SECISBP2: variants seen among roughly 807,000 people sequenced by gnomAD.
SECISBP2 encodes selenocysteine insertion sequence-binding protein 2.
SECISBP2 carries 96 observed loss-of-function variants against 98.2 expected under a neutral mutation model. The observed-to-expected ratio is 0.98, with a 90% CI of 0.83 to 1.16. SECISBP2 has a LOEUF of 1.16. SECISBP2 is among the 50% of genes most tolerant of loss of function. SECISBP2 has a pLI of 0.00. For missense variants in SECISBP2, 1,046 were observed against 1,022.9 expected (o/e 1.02, Z -0.31); for synonymous variants, 407 against 370.2 (o/e 1.10, Z -1.14).
intron 10 of SECISBP2, among the ~76,000 whole-genome samples, chr9:89,342,320 C>T (rs187747090): frequency 1.2e-4 from 19 of 152,294 alleles, no homozygotes; most frequent in Admixed American, 3.3e-4. Context: ...ATTGGAACCC[C>T]GTACGCTGCC....
At chr9:89,350,136 TTAA>T (rs1383406096) in intron 13 of SECISBP2, among the ~76,000 whole-genome samples, 5 of 152,226 alleles carry the variant, frequency 3.3e-5, no homozygotes, top group African/African-American at 1.2e-4. Context: ...GGTTCTTGTA[TTAA>T]TGATGGAAGA....
chr9:89,336,766 C>CTTTTTTTTT (rs1167993596), intron 7 of SECISBP2, among the ~76,000 whole-genome samples: 5 of 75,210 alleles, frequency 6.6e-5, no homozygotes, highest in Non-Finnish European at 9.4e-5. Context: ...CTGTCTAATT[C>CTTTTTTTTT]TTTTTTTTTT....
intron 12 of SECISBP2, 147 bp from the exon 13 acceptor site, chr9:89,349,629 C>T: frequency 2.3e-6 from 2 of 875,014 alleles, no homozygotes; most frequent in South Asian, 1.5e-5. Flanking sequence ...TTTTTTCTGC[C>T]TTCTGTAAAC....
intron 11 of SECISBP2, 30 bp from the exon 12 acceptor site, chr9:89,348,049 G>A (rs765590054): frequency 3.8e-6 from 6 of 1,581,138 alleles, no homozygotes; most frequent in Non-Finnish European, 4.3e-6. Flanking sequence ...CAAGTATTTA[G>A]GCATTTTAAT....
At chr9:89,362,479 C>G, downstream of SECISBP2, 1 of 1,613,912 alleles carries the variant, frequency 6.2e-7, no homozygotes, top group Non-Finnish European at 8.5e-7. Context: ...ATGGGCCTTT[C>G]CTGCTCTGCA....
At chr9:89,343,282 C>G (rs1466641975) in intron 10 of SECISBP2, among the ~76,000 whole-genome samples, 1 of 152,098 alleles carries the variant, frequency 6.6e-6, no homozygotes, top group Non-Finnish European at 1.5e-5. Flanking sequence ...AGATATGTTT[C>G]TTCCTTTTGA....
chr9:89,336,081 C>A, intron 7 of SECISBP2, among the ~76,000 whole-genome samples: 1 of 33,058 alleles, frequency 3.0e-5, no homozygotes, highest in African/African-American at 1.2e-4. Context: ...ATTTTAAGTG[C>A]TTTTTTTTTT....
chr9:89,341,218 C>T (rs1829606943), intron 9 of SECISBP2, 129 bp from the exon 10 acceptor site: 2 of 901,388 alleles, frequency 2.2e-6, no homozygotes, highest in Admixed American at 5.6e-5. Context: ...CCTTTCATTA[C>T]TTGAATTTTT....
rs780354675 is a variant in SECISBP2 at position 89,358,814 on chromosome 9, T to C, written c.2555T>C (p.Leu852Ser). ...LEASTSQMMN[L>S]NL is the part of the protein sequence containing the mutation. ...GCTTCAACCTCTCAAATGATGAATTTGAATTTATGAGAGTTCTTGCCTGTG... is the reference window on the plus strand; with the variant it reads ...GCTTCAACCTCTCAAATGATGAATTCGAATTTATGAGAGTTCTTGCCTGTG... The change falls in exon 17 of 17, where the codon TTG (leucine) becomes TCG (serine). Residue 852 changes from leucine (L) to serine (S), a missense_variant. Physicochemically the swap from Leu to Ser is moderately radical, Grantham distance 145 (BLOSUM62 -2). Coordinates refer to ENST00000375807, the MANE Select transcript of SECISBP2 (RefSeq NM_024077.5). 1.2e-6 allele frequency: 2 copies of C among 1,609,198 alleles called. No individual in the cohort carries two copies. The highest frequency in any genetic ancestry group is 1.7e-6 in the Non-Finnish European group (2 of 1,175,608).
chr9:89,337,465 G>C (rs116111393), intron 7 of SECISBP2, among the ~76,000 whole-genome samples: 207 of 152,284 alleles, frequency 1.4e-3, no homozygotes, highest in African/African-American at 4.7e-3. Context: ...ACCTTCATTA[G>C]CAATCTGGCA....
chr9:89,346,975 C>T lies in SECISBP2; in HGVS notation c.1529C>T (p.Ser510Phe). The change falls in exon 11 of 17, where the codon TCC becomes TTC. Residue 510 changes from serine (S) to phenylalanine (F), a missense_variant. Physicochemically the swap from Ser to Phe is radical, Grantham distance 155 (BLOSUM62 -2). Transcript: ENST00000375807. Reference sequence around the variant, plus strand: ...AAGACCCCGCACAATCCCTTGGACTCCAGCGCCCCACTGATGAAGAAAGGG... The same window carrying T: ...AAGACCCCGCACAATCCCTTGGACTTCAGCGCCCCACTGATGAAGAAAGGG... ...QMKTPHNPLDSSAPLMKKGKQ... is the reference protein window; with the variant it reads ...QMKTPHNPLDFSAPLMKKGKQ... The T allele has an allele frequency of 6.2e-7, 1 of 1,614,174 alleles. No individual in the cohort carries two copies. Among genetic ancestry groups the T allele is most frequent in the Non-Finnish European group, 8.5e-7 (1 of 1,180,020 alleles).
rs116442192 is a variant in SECISBP2, at chr9:89,333,012, T to G, written c.880+26T>G. 6.7e-4 allele frequency: 1,065 copies of G among 1,588,730 alleles called. 4 individuals carry two copies. In the African/African-American group the frequency reaches 0.013, roughly 19 times the overall value. On this transcript the variant is annotated intron_variant, in intron 6 of 16. Transcript: ENST00000375807. ...GTAAAAGTGGCTGCAAAAATGTTAA[T>G]TTTTAAAATGTCATAGATTTTTTAA...
rs1474490813 is a variant in SECISBP2 at position 89,339,116 on chromosome 9, T to C, written c.1212+536T>C. 3.3e-5 allele frequency among the ~76,000 whole-genome samples: 5 copies of C among 152,232 alleles called. No homozygotes were observed. In the East Asian group the frequency reaches 9.6e-4, roughly 29 times the overall value. On this transcript the variant is annotated intron_variant, in intron 8 of 16. Transcript: ENST00000375807. The stretch of plus-strand genomic sequence containing the variant: ...GGAGCCAGCCTGGGTTCTAACTTAA[T>C]TTCTCGTGTGCCTGGTTGTTTTCTT...
downstream of SECISBP2, chr9:89,362,479 C>T (rs371729869): frequency 2.1e-4 from 340 of 1,613,912 alleles, no homozygotes; most frequent in African/African-American, 4.1e-3. Flanking sequence ...ATGGGCCTTT[C>T]CTGCTCTGCA....
intron 1 of SECISBP2, among the ~76,000 whole-genome samples, 157 bp from the exon 2 acceptor site, chr9:89,319,495 C>T (rs1365728082): frequency 1.3e-5 from 2 of 151,722 alleles, no homozygotes; most frequent in African/African-American, 4.8e-5. Context: ...GGGGAGAAAT[C>T]GTTAGCAAGC....
chr9:89,359,932 T>TTAG (rs1832635744), downstream of SECISBP2, among the ~76,000 whole-genome samples: 1 of 152,170 alleles, frequency 6.6e-6, no homozygotes. Flanking sequence ...TTTGTATTGT[T>TTAG]TTGGCTTTGA....
At chr9:89,318,732 A>T in intron 1 of SECISBP2, 120 bp downstream of exon 1, 3 of 1,241,604 alleles carry the variant, frequency 2.4e-6, no homozygotes, top group Non-Finnish European at 3.1e-6. Context: ...TGGTGACGGC[A>T]CGGGAGCGCC....
chr9:89,363,058 G>T (rs552969122), downstream of SECISBP2, among the ~76,000 whole-genome samples: 2 of 152,320 alleles, frequency 1.3e-5, no homozygotes, highest in Admixed American at 1.3e-4. Flanking sequence ...CTACCTGGAG[G>T]GTTCCCCATC....
chr9:89,359,879 C>T (rs562907422), downstream of SECISBP2, among the ~76,000 whole-genome samples: 1 of 152,066 alleles, frequency 6.6e-6, no homozygotes, highest in Non-Finnish European at 1.5e-5. Context: ...CCTGCACTTG[C>T]GTTTTCACCA....
Sources: allele counts gnomAD v4.1 joint callset (sites outside exome capture counted in the v4.1 genomes callset), GRCh38; gene constraint gnomAD v4.1.1; transcripts MANE v1.5; gene names NCBI Gene and HGNC (gene_info 2026-07-23, HGNC 2026-07-21).